Variants in SRFBP1 observed in about 807,000 individuals in gnomAD.
SRFBP1 encodes serum response factor-binding protein 1.
SRFBP1 carries 47 observed loss-of-function variants against 45.5 expected under a neutral mutation model. The ratio of observed to expected loss-of-function variants is 1.03; its 90% CI spans 0.82 to 1.32. The LOEUF (loss-of-function observed/expected upper bound fraction) is 1.32, where lower values mean the gene tolerates loss of function less well. SRFBP1 is among the 40% of genes most tolerant of loss of function. SRFBP1 has a pLI of 0.00. For synonymous variants in SRFBP1, 203 were observed against 166.3 expected (o/e 1.22, Z -1.70); for missense variants, 621 against 484.6 (o/e 1.28, Z -2.64).
intron 4 of SRFBP1, among the ~76,000 whole-genome samples, chr5:122,001,771 C>G (rs1392581085): frequency 1.3e-5 from 2 of 151,842 alleles, no homozygotes; most frequent in Non-Finnish European, 2.9e-5. Flanking sequence ...CCTTGTTAGC[C>G]AGGATGGTCT....
At chr5:121,977,647 A>G (rs376075395) in intron 3 of SRFBP1, among the ~76,000 whole-genome samples, 2 of 151,988 alleles carry the variant, frequency 1.3e-5, no homozygotes, top group Admixed American at 6.6e-5. Flanking sequence ...CTGCTCATTT[A>G]TTTTTCCAGA....
intron 2 of SRFBP1, among the ~76,000 whole-genome samples, chr5:122,046,799 G>A (rs1205079955): frequency 6.6e-6 from 1 of 152,228 alleles, no homozygotes; most frequent in East Asian, 1.9e-4. Flanking sequence ...GATGGCCAGT[G>A]ATGATGAGCA....
intron 4 of SRFBP1, among the ~76,000 whole-genome samples, chr5:122,001,974 G>A (rs1752882992): frequency 6.6e-6 from 1 of 152,094 alleles, no homozygotes; most frequent in Non-Finnish European, 1.5e-5. Context: ...TAACTATAAG[G>A]TGTGTGTAAG....
chr5:122,060,972 C>T (rs1427304265), intron 2 of SRFBP1, among the ~76,000 whole-genome samples: 1 of 152,056 alleles, frequency 6.6e-6, no homozygotes, highest in Non-Finnish European at 1.5e-5. Flanking sequence ...CGAATCTTAG[C>T]CCCAGCACCA....
chr5:122,016,060 TTC>T (rs1360540440), intron 4 of SRFBP1, among the ~76,000 whole-genome samples: 1 of 152,186 alleles, frequency 6.6e-6, no homozygotes, highest in Non-Finnish European at 1.5e-5. Flanking sequence ...TGCATAATAT[TTC>T]TGTTTTCTAC....
At chr5:121,986,748 T>C (rs1357396034) in intron 3 of SRFBP1, among the ~76,000 whole-genome samples, 1 of 152,138 alleles carries the variant, frequency 6.6e-6, no homozygotes, top group Admixed American at 6.6e-5. Context: ...AATCAGCCAT[T>C]TCTCTAAGAA....
intron 3 of SRFBP1, among the ~76,000 whole-genome samples, chr5:121,987,162 G>A (rs1000779383): frequency 2.6e-5 from 4 of 152,048 alleles, no homozygotes; most frequent in African/African-American, 9.7e-5. Flanking sequence ...GTAGGATAAT[G>A]GTAATACAAT....
At chr5:122,012,913 T>C (rs1753122945) in intron 4 of SRFBP1, among the ~76,000 whole-genome samples, 1 of 152,132 alleles carries the variant, frequency 6.6e-6, no homozygotes, top group South Asian at 2.1e-4. Context: ...AAGATTCTTG[T>C]TTAGCAAAAG....
chr5:122,042,441 C>G (rs1644961836), intron 2 of SRFBP1, among the ~76,000 whole-genome samples: 1 of 152,030 alleles, frequency 6.6e-6, no homozygotes, highest in South Asian at 2.1e-4. Flanking sequence ...TTTGTAGAGA[C>G]AACATCTTGC....
At chr5:122,019,102 A>T (rs181827906) in intron 4 of SRFBP1, among the ~76,000 whole-genome samples, 158 bp from the exon 5 acceptor site, 5 of 152,232 alleles carry the variant, frequency 3.3e-5, no homozygotes, top group African/African-American at 1.2e-4. Context: ...TGTCTTTAGC[A>T]TGGATTGATT....
intron 2 of SRFBP1, among the ~76,000 whole-genome samples, chr5:122,041,300 G>C (rs1753769388): frequency 6.6e-6 from 1 of 152,076 alleles, no homozygotes; most frequent in African/African-American, 2.4e-5. Flanking sequence ...GAAACAGTAT[G>C]ATTACTGGGC....
chr5:121,970,996 T>A (rs1167172475), intron 1 of SRFBP1, among the ~76,000 whole-genome samples: 1 of 152,064 alleles, frequency 6.6e-6, no homozygotes, highest in Non-Finnish European at 1.5e-5. Flanking sequence ...GATGAATAGA[T>A]GTTAACAAGT....
chr5:121,975,430 A>G (rs376122491), intron 3 of SRFBP1, 43 bp downstream of exon 3: 47 of 1,599,570 alleles, frequency 2.9e-5, no homozygotes, highest in South Asian at 2.1e-4. Context: ...GTTTCTGAGT[A>G]TCCTGTTATC....
intron 2 of SRFBP1, among the ~76,000 whole-genome samples, chr5:122,049,992 T>C (rs1037639111): frequency 6.6e-6 from 1 of 152,092 alleles, no homozygotes; most frequent in African/African-American, 2.4e-5. Context: ...TCTGCATCTA[T>C]TTAGATAATC....
At chr5:122,036,833 A>G (rs1753701342) in intron 2 of SRFBP1, among the ~76,000 whole-genome samples, 2 of 150,338 alleles carry the variant, frequency 1.3e-5, no homozygotes, top group Non-Finnish European at 2.9e-5. Context: ...TGTAATCTAT[A>G]TCCTTTAATC....
chr5:122,050,630 A>C (rs1484428973), intron 2 of SRFBP1, among the ~76,000 whole-genome samples: 2 of 151,800 alleles, frequency 1.3e-5, no homozygotes, highest in Admixed American at 1.3e-4. Flanking sequence ...AATTGTGTTT[A>C]TTTGGATCTT....
chr5:122,056,107 T>G (rs1350709407), intron 2 of SRFBP1, among the ~76,000 whole-genome samples: 1 of 152,214 alleles, frequency 6.6e-6, no homozygotes, highest in Non-Finnish European at 1.5e-5. Flanking sequence ...TCTTGTCCGT[T>G]TTCTTTTTGT....
At chr5:121,973,399 G>T (rs1752239293) in intron 1 of SRFBP1, among the ~76,000 whole-genome samples, 1 of 151,768 alleles carries the variant, frequency 6.6e-6, no homozygotes, top group African/African-American at 2.4e-5. Context: ...GACATTCCAG[G>T]AGTAATTTTT....
At chr5:122,058,012 A>C (rs1754112033) in intron 2 of SRFBP1, among the ~76,000 whole-genome samples, 1 of 152,144 alleles carries the variant, frequency 6.6e-6, no homozygotes, top group Admixed American at 6.5e-5. Context: ...AAGTTCCTCA[A>C]AGTGTAATTA....
Sources: gnomAD v4.1 joint callset for allele counts (sites outside exome capture counted in the v4.1 genomes callset) on GRCh38, gnomAD v4.1.1 for gene constraint, MANE v1.5 for transcripts, NCBI Gene and HGNC (gene_info 2026-07-23, HGNC 2026-07-21) for gene names.